Variants in CEP128 observed in about 807,000 individuals in gnomAD.
CEP128 encodes centrosomal protein 128kDa.
In CEP128, 132 loss-of-function variants were observed where a neutral mutation model predicts 156.7. The ratio of observed to expected loss-of-function variants is 0.84; its 90% CI spans 0.73 to 0.97. CEP128 has a LOEUF of 0.97. Ranked by LOEUF, CEP128 falls within the 50% of genes least tolerant of loss-of-function variation. The pLI is 0.00. For missense variants in CEP128, 1,252 were observed against 1,281.9 expected (o/e 0.98, Z 0.36); for synonymous variants, 469 against 448.9 (o/e 1.04, Z -0.57).
intron 19 of CEP128, among the ~76,000 whole-genome samples, chr14:80,678,687 A>G (rs1307855648): frequency 2.0e-5 from 3 of 152,190 alleles, no homozygotes; most frequent in African/African-American, 2.4e-5. Context: ...ACTGGGGTCA[A>G]TGGAGAGCAC....
intron 23 of CEP128, among the ~76,000 whole-genome samples, chr14:80,519,434 T>A (rs887545519): frequency 3.3e-5 from 5 of 152,224 alleles, no homozygotes; most frequent in African/African-American, 7.2e-5. Flanking sequence ...ATACATTTAA[T>A]TTTTTAAAAT....
intron 19 of CEP128, among the ~76,000 whole-genome samples, chr14:80,599,769 A>T (rs1892504963): frequency 1.3e-5 from 2 of 152,204 alleles, no homozygotes; most frequent in African/African-American, 4.8e-5. Flanking sequence ...AAAGGAAATC[A>T]TACCCAAAGA....
In CEP128 at chr14:80,831,154, A is replaced by T. The variant is rs756236193; in HGVS notation, c.1198T>A (p.Ser400Thr). 1 of 1,613,956 alleles carries T rather than the reference A, an allele frequency of 6.2e-7. No homozygotes were observed. The highest frequency in any genetic ancestry group is 8.5e-7 in the Non-Finnish European group (1 of 1,179,852). ...AAGAGCAAAGTCACCTCTACTTGTG[A>T]TGCCAAATGTGCTTTCTCCTTGTCT... The part of the protein sequence containing the change: ...RKDKEKAHLA[S>T]QVENLTRELE... The change falls in exon 13 of 25, where the codon TCA becomes ACA. Residue 400 changes from serine (S) to threonine (T), a missense_variant. By Grantham distance (58) the Ser-to-Thr change is moderately conservative (BLOSUM62 1). Transcript: ENST00000555265.
chr14:80,563,434 T>C (rs1890772223), intron 20 of CEP128, among the ~76,000 whole-genome samples: 1 of 151,812 alleles, frequency 6.6e-6, no homozygotes, highest in African/African-American at 2.4e-5. Flanking sequence ...CCTAGGAAAA[T>C]GTACATTATA....
At chr14:80,853,601 T>A (rs960785898) in intron 9 of CEP128, among the ~76,000 whole-genome samples, 1 of 152,004 alleles carries the variant, frequency 6.6e-6, no homozygotes, top group African/African-American at 2.4e-5. Context: ...AAGACATTTA[T>A]ACAGACAATT....
chr14:80,822,429 G>A, intron 13 of CEP128: 2 of 463,420 alleles, frequency 4.3e-6, no homozygotes, highest in South Asian at 1.7e-5. Context: ...TTCAAAATGG[G>A]AGCAGTGTGA....
intron 19 of CEP128, among the ~76,000 whole-genome samples, chr14:80,596,842 A>AAAAAAGG (rs1555379468): frequency 7.2e-5 from 5 of 69,830 alleles, no homozygotes; most frequent in South Asian, 5.5e-4. Context: ...AAAAAAAAAA[A>AAAAAAGG]GGTGGGGGGG....
chr14:80,529,301 TGA>T (rs1226691430), intron 22 of CEP128, among the ~76,000 whole-genome samples: 2 of 152,240 alleles, frequency 1.3e-5, no homozygotes, highest in Non-Finnish European at 1.5e-5. Context: ...AGTACAATGC[TGA>T]ACTCTGAAAA....
chr14:80,778,659 A>G (rs1900932602), intron 15 of CEP128, among the ~76,000 whole-genome samples: 1 of 152,208 alleles, frequency 6.6e-6, no homozygotes, highest in Non-Finnish European at 1.5e-5. Context: ...TTTTTTCAAC[A>G]TCAGTAGTGT....
At chr14:80,832,682 G>A (rs1566658550) in intron 12 of CEP128, among the ~76,000 whole-genome samples, 1 of 152,154 alleles carries the variant, frequency 6.6e-6, no homozygotes, top group East Asian at 1.9e-4. Flanking sequence ...ACCAAGCAAA[G>A]GAGAAGGAGT....
chr14:80,915,162 C>T (rs971420052), intron 3 of CEP128, among the ~76,000 whole-genome samples: 2 of 151,568 alleles, frequency 1.3e-5, no homozygotes, highest in Non-Finnish European at 1.5e-5. Flanking sequence ...AGGAATTCTA[C>T]ACCACTATGC....
At position 80,843,043 on chromosome 14, in the gene CEP128, T is replaced by TA. The variant is rs71103887; in HGVS notation, c.763-2276dup. ...TCTAAACTCTCATAGTTATATATAA[T>TA]AAAAAAAAAGGTAGTTTTTCTTTTC... On this transcript the variant is annotated intron_variant, in intron 9 of 24. Transcript: ENST00000555265. Among the ~76,000 whole-genome samples, 593 of 150,294 alleles carry TA rather than the reference T, an allele frequency of 3.9e-3. 3 individuals carry two copies. The highest frequency in any genetic ancestry group is 0.011 in the African/African-American group (462 of 41,010).
intron 4 of CEP128, 108 bp downstream of exon 4, chr14:80,914,214 A>G: frequency 1.3e-6 from 1 of 741,180 alleles, no homozygotes; most frequent in East Asian, 2.5e-5. Flanking sequence ...TTTAAAATCT[A>G]AAGCACTTCA....
At chr14:80,928,373 C>T (rs1211383597) in intron 2 of CEP128, among the ~76,000 whole-genome samples, 1 of 151,824 alleles carries the variant, frequency 6.6e-6, no homozygotes, top group Non-Finnish European at 1.5e-5. Context: ...AAGGTGAAAA[C>T]CAACATAAAG....
chr14:80,754,898 T>C (rs550551046), intron 18 of CEP128, among the ~76,000 whole-genome samples: 1 of 152,324 alleles, frequency 6.6e-6, no homozygotes, highest in South Asian at 2.1e-4. Context: ...ATACCCCTCA[T>C]CTACGGAAAC....
At chr14:80,718,840 A>G (rs749465761) in intron 19 of CEP128, among the ~76,000 whole-genome samples, 4 of 152,222 alleles carry the variant, frequency 2.6e-5, no homozygotes, top group Middle Eastern at 6.3e-3. Flanking sequence ...GCTTAACACC[A>G]GCGAACCTCT....
chr14:80,586,773 A>G (rs780360233), intron 19 of CEP128, among the ~76,000 whole-genome samples: 4 of 152,210 alleles, frequency 2.6e-5, no homozygotes, highest in Non-Finnish European at 5.9e-5. Flanking sequence ...TATTCAATAT[A>G]CAGCACACAG....
intron 4 of CEP128, among the ~76,000 whole-genome samples, chr14:80,906,651 T>G (rs1475978405): frequency 6.6e-6 from 1 of 152,194 alleles, no homozygotes; most frequent in Admixed American, 6.5e-5. Context: ...GAACTACAGT[T>G]GTCCAAATGC....
At chr14:80,541,453 A>AAAC (rs1889756259) in intron 21 of CEP128, among the ~76,000 whole-genome samples, 1 of 150,268 alleles carries the variant, frequency 6.7e-6, no homozygotes, top group African/African-American at 2.5e-5. Flanking sequence ...TAAAAAAAAA[A>AAAC]AAAAAAAAAA....
Sources: allele counts gnomAD v4.1 joint callset (sites outside exome capture counted in the v4.1 genomes callset), GRCh38; gene constraint gnomAD v4.1.1; transcripts MANE v1.5; gene names NCBI Gene and HGNC (gene_info 2026-07-23, HGNC 2026-07-21).